GALNT7: variants seen among roughly 807,000 people sequenced by gnomAD.
The protein encoded by GALNT7 is polypeptide N-acetylgalactosaminyltransferase 7, also known as N-acetylgalactosaminyltransferase 7.
In GALNT7, 60 loss-of-function variants were observed where a neutral mutation model predicts 82.1. The observed-to-expected ratio is 0.73, with a 90% CI of 0.59 to 0.91. The LOEUF is 0.91. GALNT7 is among the 40% of genes least tolerant of loss of function. GALNT7 has a pLI of 0.00. For missense variants in GALNT7, 660 were observed against 804.2 expected, an observed-to-expected ratio of 0.82 and a Z score of 2.17; for synonymous variants, 243 against 275.1, an observed-to-expected ratio of 0.88 and a Z score of 1.15.
chr4:173,247,832 T>C (rs1734697588), intron 1 of GALNT7, 148 bp from the exon 2 acceptor site: 3 of 582,834 alleles, frequency 5.1e-6, no homozygotes. Context: ...TATCTCCTAA[T>C]GGGAAGTCCT....
At chr4:173,249,039 G>A (rs1351767319) in intron 2 of GALNT7, among the ~76,000 whole-genome samples, 1 of 152,126 alleles carries the variant, frequency 6.6e-6, no homozygotes, top group Non-Finnish European at 1.5e-5. Flanking sequence ...TTCTTTTCAT[G>A]TAGTATGATT....
intron 1 of GALNT7, among the ~76,000 whole-genome samples, chr4:173,176,244 GA>G (rs1369040103): frequency 6.6e-6 from 1 of 152,156 alleles, no homozygotes; most frequent in East Asian, 1.9e-4. Flanking sequence ...CAAAATTCCT[GA>G]GGTTGGAATG....
intron 1 of GALNT7, among the ~76,000 whole-genome samples, chr4:173,217,145 A>C (rs1264821585): frequency 6.6e-6 from 1 of 152,158 alleles, no homozygotes; most frequent in African/African-American, 2.4e-5. Context: ...ATTAAAAAGA[A>C]TACATGGTCA....
At chr4:173,294,451 G>T (rs912334112) in intron 3 of GALNT7, among the ~76,000 whole-genome samples, 8 of 152,000 alleles carry the variant, frequency 5.3e-5, no homozygotes, top group Non-Finnish European at 4.4e-5. Context: ...GCCCTAAAAT[G>T]AGTAAAATAT....
At chr4:173,285,855 G>C (rs1282402242) in intron 2 of GALNT7, among the ~76,000 whole-genome samples, 1 of 152,100 alleles carries the variant, frequency 6.6e-6, no homozygotes, top group Admixed American at 6.5e-5. Flanking sequence ...CTAATTCCAG[G>C]GGTTCCATGA....
chr4:173,183,074 ACACACACACACACACACT>A (rs1427743935), intron 1 of GALNT7, among the ~76,000 whole-genome samples: 1 of 147,630 alleles, frequency 6.8e-6, no homozygotes, highest in Non-Finnish European at 1.5e-5. Flanking sequence ...ACACACACAC[ACACACACACACACACACT>A]GCTTTTTCTC....
chr4:173,297,912 A>G (rs1321110021), intron 5 of GALNT7: 5 of 1,500,596 alleles, frequency 3.3e-6, no homozygotes, highest in Non-Finnish European at 3.5e-6. Context: ...GGAGTTTACT[A>G]TGGAAACGTA....
intron 2 of GALNT7, among the ~76,000 whole-genome samples, chr4:173,263,316 T>C (rs929186288): frequency 5.3e-5 from 8 of 152,218 alleles, no homozygotes; most frequent in African/African-American, 1.7e-4. Context: ...TTTTATAAAG[T>C]AAAATTTAAT....
At chr4:173,170,049 G>A (rs1287285670) in intron 1 of GALNT7, among the ~76,000 whole-genome samples, 1 of 152,116 alleles carries the variant, frequency 6.6e-6, no homozygotes, top group Non-Finnish European at 1.5e-5. Context: ...CGCGCCGCGC[G>A]GGGAAGGGAC....
At chr4:173,198,473 A>G (rs1732848292) in intron 1 of GALNT7, among the ~76,000 whole-genome samples, 1 of 152,116 alleles carries the variant, frequency 6.6e-6, no homozygotes, top group Non-Finnish European at 1.5e-5. Context: ...CCCTTCCCAG[A>G]GTGTCCTTCT....
intron 10 of GALNT7, among the ~76,000 whole-genome samples, 157 bp downstream of exon 10, chr4:173,317,889 A>G (rs56159092): frequency 0.071 from 10,803 of 152,330 alleles, 682 homozygotes; most frequent in African/African-American, 0.16. Context: ...GTGTTAAAAC[A>G]TTCACTTAAA....
At chr4:173,182,925 T>TAC (rs61378172) in intron 1 of GALNT7, among the ~76,000 whole-genome samples, 2,269 of 134,268 alleles carry the variant, frequency 0.017, 39 homozygotes, top group Middle Eastern at 0.044. Flanking sequence ...TTACTCATAA[T>TAC]ACACACACAC....
intron 2 of GALNT7, among the ~76,000 whole-genome samples, chr4:173,282,165 TC>T (rs1736136472): frequency 6.6e-6 from 1 of 152,186 alleles, no homozygotes; most frequent in Non-Finnish European, 1.5e-5. Flanking sequence ...ACTCCCCTTA[TC>T]TTATGCAGCT....
At chr4:173,297,084 T>A (rs1736742695) in intron 5 of GALNT7, among the ~76,000 whole-genome samples, 3 of 152,236 alleles carry the variant, frequency 2.0e-5, no homozygotes, top group African/African-American at 7.2e-5. Flanking sequence ...ATCTTTGTAA[T>A]GTCACTTTGA....
rs893681411 is a variant in GALNT7, at chr4:173,302,692, AC to A, written c.1266+533del. On this transcript the variant is annotated intron_variant, in intron 7 of 11. Transcript: ENST00000265000. The surrounding 1 kb of genome is among the most constrained non-coding windows in gnomAD (Gnocchi z 4.2). ...AGCCCCCACCTCAACCCCTATTCCT[AC>A]CCCCATTTTCCAAAAGAAAGAGAGA... Among the ~76,000 whole-genome samples the A allele has an allele frequency of 4.6e-5, 7 of 151,620 alleles. No individual in the cohort carries two copies. Among genetic ancestry groups the A allele is most frequent in the Admixed American group, 3.3e-4 (5 of 15,222 alleles).
intron 2 of GALNT7, among the ~76,000 whole-genome samples, chr4:173,248,996 CAGAT>C (rs1313009580): frequency 2.6e-5 from 4 of 152,204 alleles, no homozygotes; most frequent in Admixed American, 6.5e-5. Flanking sequence ...AAGTAACACT[CAGAT>C]AGATAAAACT....
At chr4:173,242,264 A>G (rs1375099427) in intron 1 of GALNT7, among the ~76,000 whole-genome samples, 2 of 152,350 alleles carry the variant, frequency 1.3e-5, no homozygotes, top group East Asian at 3.9e-4. Context: ...TTCTTTGAGC[A>G]GATAATTCTT....
intron 1 of GALNT7, among the ~76,000 whole-genome samples, chr4:173,188,807 CGA>C (rs1732533438): frequency 6.6e-6 from 1 of 152,156 alleles, no homozygotes; most frequent in Non-Finnish European, 1.5e-5. Flanking sequence ...GAGTCCATAC[CGA>C]TATATCTGAC....
chr4:173,265,463 C>T (rs1339675631), intron 2 of GALNT7, among the ~76,000 whole-genome samples: 36 of 152,100 alleles, frequency 2.4e-4, no homozygotes, highest in Admixed American at 2.4e-3. Context: ...ATTTCCTTAT[C>T]CTTTACCCTT....
Sources: allele counts gnomAD v4.1 joint callset (sites outside exome capture counted in the v4.1 genomes callset), GRCh38; gene constraint gnomAD v4.1.1; non-coding constraint Gnocchi (gnomAD v3.1); transcripts MANE v1.5; gene names NCBI Gene and HGNC (gene_info 2026-07-23, HGNC 2026-07-21).